Variants in NKAIN2 observed in about 807,000 individuals in gnomAD.
NKAIN2 encodes the protein sodium/potassium-transporting ATPase subunit beta-1-interacting protein 2.
A neutral mutation model predicts 32.6 loss-of-function variants in NKAIN2; 14 were observed. The observed-to-expected ratio is 0.43, with a 90% confidence interval of 0.28 to 0.67. The LOEUF (loss-of-function observed/expected upper bound fraction) is 0.67. NKAIN2 is among the 30% of genes least tolerant of loss of function. NKAIN2 has a pLI of 0.17. For missense variants in NKAIN2, 198 were observed against 258.3 expected (o/e 0.77, Z 1.60); for synonymous variants, 80 against 87.2 (o/e 0.92, Z 0.46).
At chr6:124,166,963 C>G (rs1445046668) in intron 1 of NKAIN2, among the ~76,000 whole-genome samples, 7 of 150,728 alleles carry the variant, frequency 4.6e-5, no homozygotes, top group African/African-American at 1.7e-4. Flanking sequence ...ATGCCTCCAG[C>G]TTTGTTCTTT....
At chr6:124,258,027 G>T (rs1794034608) in intron 1 of NKAIN2, among the ~76,000 whole-genome samples, 1 of 151,796 alleles carries the variant, frequency 6.6e-6, no homozygotes, top group Non-Finnish European at 1.5e-5. Flanking sequence ...GTGATTCATT[G>T]CCTCGGCCTC....
At chr6:123,916,764 CTATCT>C (rs1008074799) in intron 1 of NKAIN2, among the ~76,000 whole-genome samples, 3 of 151,310 alleles carry the variant, frequency 2.0e-5, no homozygotes, top group Non-Finnish European at 3.0e-5. Flanking sequence ...CTCTATGTAT[CTATCT>C]TATCTATGTA....
intron 3 of NKAIN2, among the ~76,000 whole-genome samples, chr6:124,423,750 A>G (rs1364553448): frequency 6.6e-6 from 1 of 152,100 alleles, no homozygotes; most frequent in African/African-American, 2.4e-5. Context: ...CTTTCAGGGG[A>G]TGAAGCAACA....
intron 4 of NKAIN2, among the ~76,000 whole-genome samples, chr6:124,661,493 G>A (rs1308394704): frequency 6.6e-6 from 1 of 152,088 alleles, no homozygotes; most frequent in Non-Finnish European, 1.5e-5. Flanking sequence ...TCAACTCCTG[G>A]CTGATTCTGA....
intron 1 of NKAIN2, among the ~76,000 whole-genome samples, chr6:124,017,146 T>C (rs1345726865): frequency 1.3e-5 from 2 of 152,166 alleles, no homozygotes; most frequent in Admixed American, 6.5e-5. Flanking sequence ...AACATGGCAG[T>C]AGGCAAGAGG....
intron 4 of NKAIN2, among the ~76,000 whole-genome samples, chr6:124,700,871 G>GAC (rs143125409): frequency 0.13 from 18,886 of 145,186 alleles, 1,965 homozygotes; most frequent in African/African-American, 0.3. Context: ...TCTCTTTCCT[G>GAC]ACACACACAC....
chr6:123,854,038 G>T (rs1468958950), intron 1 of NKAIN2, among the ~76,000 whole-genome samples: 30 of 152,060 alleles, frequency 2.0e-4, no homozygotes, highest in Admixed American at 2.0e-3. Context: ...CTCCCAAAGT[G>T]CAGGGATTAC....
chr6:123,919,804 A>C (rs1775666349), intron 1 of NKAIN2, among the ~76,000 whole-genome samples: 2 of 152,122 alleles, frequency 1.3e-5, no homozygotes, highest in Admixed American at 1.3e-4. Context: ...TTTCAATGGC[A>C]GCCATGGGAT....
In NKAIN2 at chr6:124,392,995, ACT is replaced by A. The variant is rs1320751035; in HGVS notation, c.273+37651_273+37652del. Among the ~76,000 whole-genome samples the A allele has an allele frequency of 2.6e-5, 4 of 152,144 alleles. No individual in the cohort carries two copies. The East Asian group carries it at 7.8e-4, about 29-fold the overall frequency. ...ACTCCAGCCTGGATGACAGAGTGAG[ACT>A]CTGTCTTTAAAACAAATAAATACAT... is the stretch of plus-strand genomic sequence containing the variant. On this transcript the variant is annotated intron_variant, in intron 3 of 6. Coordinates refer to ENST00000368417, the MANE Select transcript of NKAIN2 (RefSeq NM_001040214.3).
At chr6:124,534,551 G>T (rs1267977314) in intron 3 of NKAIN2, among the ~76,000 whole-genome samples, 5 of 152,212 alleles carry the variant, frequency 3.3e-5, no homozygotes. Flanking sequence ...ACCAAAAGTT[G>T]ATATGTATGT....
At chr6:124,390,451 T>C (rs1773093507) in intron 3 of NKAIN2, among the ~76,000 whole-genome samples, 1 of 152,166 alleles carries the variant, frequency 6.6e-6, no homozygotes, top group Admixed American at 6.6e-5. Flanking sequence ...CTTTTATTGC[T>C]TAATATGCTA....
chr6:123,819,069 G>C (rs530549392), intron 1 of NKAIN2, among the ~76,000 whole-genome samples: 29 of 152,254 alleles, frequency 1.9e-4, no homozygotes, highest in African/African-American at 7.0e-4. Context: ...TGTTAACTTC[G>C]TCAGGTGTTC....
chr6:124,736,414 C>T (rs1204680492), intron 4 of NKAIN2, among the ~76,000 whole-genome samples: 1 of 151,862 alleles, frequency 6.6e-6, no homozygotes, highest in Admixed American at 6.6e-5. Flanking sequence ...AAGGTGGCTA[C>T]CCTAAACAAC....
intron 4 of NKAIN2, among the ~76,000 whole-genome samples, chr6:124,677,416 T>C (rs939814542): frequency 2.0e-5 from 3 of 152,232 alleles, no homozygotes; most frequent in East Asian, 1.9e-4. Context: ...GTTTTTTTCA[T>C]CTTCTTTCAC....
intron 1 of NKAIN2, among the ~76,000 whole-genome samples, chr6:124,163,058 A>AT (rs1788355116): frequency 6.6e-6 from 1 of 152,048 alleles, no homozygotes; most frequent in Non-Finnish European, 1.5e-5. Context: ...TATACATCAA[A>AT]TTATGATTTT....
At chr6:123,806,244 C>T (rs975315443) in intron 1 of NKAIN2, among the ~76,000 whole-genome samples, 3 of 152,090 alleles carry the variant, frequency 2.0e-5, no homozygotes, top group African/African-American at 7.2e-5. Flanking sequence ...AGAGCACAAT[C>T]TAAGTAAGTG....
intron 3 of NKAIN2, among the ~76,000 whole-genome samples, chr6:124,385,442 A>C (rs557839183): frequency 1.1e-4 from 17 of 152,188 alleles, no homozygotes; most frequent in African/African-American, 3.9e-4. Flanking sequence ...GCACGATTAT[A>C]ACCACCCCAA....
intron 4 of NKAIN2, among the ~76,000 whole-genome samples, chr6:124,749,123 G>C (rs192581502): frequency 1.3e-5 from 2 of 151,738 alleles, no homozygotes; most frequent in East Asian, 2.0e-4. Flanking sequence ...TCATTTCCTT[G>C]CTATCAACTG....
chr6:124,339,213 C>G (rs1798011153), intron 2 of NKAIN2, among the ~76,000 whole-genome samples: 1 of 152,072 alleles, frequency 6.6e-6, no homozygotes, highest in Non-Finnish European at 1.5e-5. Flanking sequence ...TGGTGGCGCG[C>G]ACCTGTAGTC....
Sources: gnomAD v4.1 joint callset for allele counts (sites outside exome capture counted in the v4.1 genomes callset) on GRCh38, gnomAD v4.1.1 for gene constraint, MANE v1.5 for transcripts, NCBI Gene and HGNC (gene_info 2026-07-23, HGNC 2026-07-21) for gene names.